CELF4: variants seen among roughly 807,000 people sequenced by gnomAD.
CELF4 encodes the protein CUG-BP- and ETR-3-like factor 4.
CELF4 carries 18 observed loss-of-function variants against 59.9 expected under a neutral mutation model. That is an observed-to-expected ratio of 0.30 (90% CI 0.21 to 0.45). The LOEUF is 0.45. Among genes scored for constraint, CELF4 ranks in the 20% least tolerant of loss-of-function variants. CELF4 has a pLI of 1.00. For missense variants in CELF4, 456 were observed against 689.0 expected (o/e 0.66, Z 3.79); for synonymous variants, 261 against 267.1 (o/e 0.98, Z 0.22).
chr18:37,306,602 C>T (rs1040540344), intron 3 of CELF4, among the ~76,000 whole-genome samples: 1 of 152,188 alleles, frequency 6.6e-6, no homozygotes. Flanking sequence ...GTGGCCTAGC[C>T]CAGTCAAGAG....
intron 1 of CELF4, among the ~76,000 whole-genome samples, chr18:37,546,469 G>A (rs1014580441): frequency 6.6e-6 from 1 of 152,162 alleles, no homozygotes; most frequent in Non-Finnish European, 1.5e-5. Flanking sequence ...CAGACTCAGA[G>A]CACTTCATTC....
chr18:37,360,706 C>T (rs2154559721), intron 2 of CELF4, among the ~76,000 whole-genome samples: 1 of 152,246 alleles, frequency 6.6e-6, no homozygotes, highest in South Asian at 2.1e-4. Context: ...GGCTCCTCTG[C>T]TGGCTTGATA....
At chr18:37,364,326 G>A (rs896992192) in intron 2 of CELF4, among the ~76,000 whole-genome samples, 1 of 152,166 alleles carries the variant, frequency 6.6e-6, no homozygotes, top group Non-Finnish European at 1.5e-5. Context: ...CCCGGGGCAG[G>A]AGAAATGACA....
intron 1 of CELF4, among the ~76,000 whole-genome samples, chr18:37,531,381 C>A: frequency 6.6e-6 from 1 of 152,082 alleles, no homozygotes; most frequent in Non-Finnish European, 1.5e-5. Flanking sequence ...AGCTCTTTCT[C>A]GATGCTTCAC....
intron 9 of CELF4, among the ~76,000 whole-genome samples, chr18:37,265,976 C>G (rs1366779017): frequency 6.6e-6 from 1 of 152,150 alleles, no homozygotes. Flanking sequence ...ACCCCAGGCC[C>G]TCTGCTCACT....
intron 1 of CELF4, among the ~76,000 whole-genome samples, chr18:37,535,527 T>A (rs1284042936): frequency 6.6e-6 from 1 of 152,144 alleles, no homozygotes; most frequent in African/African-American, 2.4e-5. Context: ...ACAGTGATCA[T>A]GAGAGTAGCA....
Position 37,262,795 on chromosome 18 carries a change from G to GAAGGCAAGGGC in CELF4, c.1249+1868_1249+1878dup, listed in dbSNP as rs527437431. 5.9e-5 allele frequency among the ~76,000 whole-genome samples: 9 copies of GAAGGCAAGGGC among 152,298 alleles called. No homozygotes were observed. The South Asian group carries it at 1.9e-3, about 32-fold the overall frequency. On this transcript the variant is annotated intron_variant, in intron 10 of 12. Transcript: ENST00000420428. ...TACTGATGAAGGCTTGGACTGTGGG[G>GAAGGCAAGGGC]AAGGCAAGGGCAAGGCAGGCCCAGG...
chr18:37,296,852 G>A (rs2095673001), intron 3 of CELF4, among the ~76,000 whole-genome samples: 1 of 152,178 alleles, frequency 6.6e-6, no homozygotes, highest in African/African-American at 2.4e-5. Context: ...TTCTGGGGCT[G>A]GTAAGTTAGC....
chr18:37,360,145 G>A (rs551550171), intron 2 of CELF4, among the ~76,000 whole-genome samples: 1 of 152,300 alleles, frequency 6.6e-6, no homozygotes, highest in African/African-American at 2.4e-5. Flanking sequence ...GAGCCACCAT[G>A]CCGGGCATTT....
chr18:37,248,781 T>A (rs570286007), intron 12 of CELF4, among the ~76,000 whole-genome samples: 4 of 152,178 alleles, frequency 2.6e-5, no homozygotes, highest in South Asian at 4.2e-4. Flanking sequence ...CCCTTTGGGG[T>A]CCTTAGCTCC....
At chr18:37,449,743 G>A (rs1013911382) in intron 2 of CELF4, among the ~76,000 whole-genome samples, 1 of 152,228 alleles carries the variant, frequency 6.6e-6, no homozygotes, top group Non-Finnish European at 1.5e-5. Context: ...GGAAGTGAGA[G>A]AGTGAGCCAA....
chr18:37,434,771 G>C (rs986371129), intron 2 of CELF4, among the ~76,000 whole-genome samples: 4 of 152,074 alleles, frequency 2.6e-5, no homozygotes, highest in Non-Finnish European at 4.4e-5. Flanking sequence ...AGTGTAGGGA[G>C]TAGGGAGGAG....
chr18:37,445,729 T>C (rs2099746378), intron 2 of CELF4, among the ~76,000 whole-genome samples: 3 of 151,846 alleles, frequency 2.0e-5, no homozygotes, highest in Admixed American at 2.0e-4. Context: ...GAGGCATAAG[T>C]CCGATGCATT....
intron 3 of CELF4, among the ~76,000 whole-genome samples, chr18:37,294,717 C>G (rs758752593): frequency 4.6e-5 from 7 of 152,222 alleles, no homozygotes; most frequent in Non-Finnish European, 1.0e-4. Context: ...CTCAAGTGAC[C>G]TGCAGCAGCT....
At chr18:37,320,477 G>T (rs2097070730) in intron 3 of CELF4, among the ~76,000 whole-genome samples, 1 of 152,188 alleles carries the variant, frequency 6.6e-6, no homozygotes, top group Admixed American at 6.5e-5. Context: ...ATAGTGGGAG[G>T]AGGCTGGAGG....
intron 2 of CELF4, among the ~76,000 whole-genome samples, chr18:37,457,634 C>T (rs189452202): frequency 4.6e-5 from 7 of 152,244 alleles, no homozygotes; most frequent in Non-Finnish European, 7.4e-5. Flanking sequence ...GGAGCTCAGC[C>T]TGGGAGAAGA....
At chr18:37,396,781 T>C (rs1158558366) in intron 2 of CELF4, among the ~76,000 whole-genome samples, 1 of 152,152 alleles carries the variant, frequency 6.6e-6, no homozygotes, top group Non-Finnish European at 1.5e-5. Context: ...TGTGAACCCA[T>C]GACCTCAGTC....
At chr18:37,356,645 G>A (rs1171664203) in intron 2 of CELF4, among the ~76,000 whole-genome samples, 1 of 152,218 alleles carries the variant, frequency 6.6e-6, no homozygotes, top group Non-Finnish European at 1.5e-5. Context: ...CATCAACGAA[G>A]GGGCCCTCCT....
rs186517898 is a variant in CELF4 at position 37,292,319 on chromosome 18, C to T, written c.449-17076G>A. ...TTAGTTTTTCATTCCAGTACAGGTACATTTTAACAAGACTGTCCAAAGCCT... is the reference window on the plus strand; with the variant it reads ...TTAGTTTTTCATTCCAGTACAGGTATATTTTAACAAGACTGTCCAAAGCCT... On this transcript the variant is annotated intron_variant, in intron 3 of 12. Coordinates refer to ENST00000420428, the MANE Select transcript of CELF4 (RefSeq NM_020180.4). Among the ~76,000 whole-genome samples the T allele has an allele frequency of 2.2e-3, 335 of 152,296 alleles. 1 individual carries two copies. The highest frequency in any genetic ancestry group is 3.7e-3 in the Non-Finnish European group (252 of 68,032).
Sources: gnomAD v4.1 joint callset for allele counts (sites outside exome capture counted in the v4.1 genomes callset) on GRCh38, gnomAD v4.1.1 for gene constraint, MANE v1.5 for transcripts, NCBI Gene and HGNC (gene_info 2026-07-23, HGNC 2026-07-21) for gene names.